Variants in ALG1L2 observed in about 807,000 individuals in gnomAD.
ALG1L2 encodes ALG1 chitobiosyldiphosphodolichol beta-mannosyltransferase like 2.
In ALG1L2, 32 loss-of-function variants were observed where a neutral mutation model predicts 29.0. That is an observed-to-expected ratio of 1.10 (90% CI 0.83 to 1.48). The LOEUF (loss-of-function observed/expected upper bound fraction) is 1.48. ALG1L2 is among the 40% of genes most tolerant of loss of function. ALG1L2 has a pLI of 0.00. For synonymous variants in ALG1L2, 110 were observed against 109.5 expected (o/e 1.00, Z -0.03); for missense variants, 318 against 274.1 (o/e 1.16, Z -1.13).
In ALG1L2 at chr3:130,098,385, A is replaced by T; in HGVS notation, c.*130A>T. ...CATAACTCCTGGGCCAGAGGCTAAAACCCCAGGGCCCCTGCTGTCCTTCCC... is the reference window on the plus strand; with the variant it reads ...CATAACTCCTGGGCCAGAGGCTAAATCCCCAGGGCCCCTGCTGTCCTTCCC... On this transcript the variant is annotated 3_prime_UTR_variant, in exon 8 of 8. Transcript: ENST00000425059. 6.3e-7 allele frequency: 1 copy of T among 1,594,812 alleles called. No individual in the cohort carries two copies. Among genetic ancestry groups the T allele is most frequent in the African/African-American group, 1.3e-5 (1 of 74,696 alleles).
At chr3:130,090,590 T>C (rs902257785) in intron 1 of ALG1L2, 1 of 152,458 alleles carries the variant, frequency 6.6e-6, no homozygotes, top group Non-Finnish European at 1.5e-5. Context: ...TACAACTTAA[T>C]AGTCAACACT....
intron 1 of ALG1L2, among the ~76,000 whole-genome samples, chr3:130,087,734 G>A (rs1472609901): frequency 7.9e-6 from 1 of 126,642 alleles, no homozygotes; most frequent in Non-Finnish European, 1.8e-5. Context: ...TCCATGTCTG[G>A]AAAAATAATA....
At chr3:130,082,785 G>T (rs1359034731) in intron 1 of ALG1L2, among the ~76,000 whole-genome samples, 6 of 147,376 alleles carry the variant, frequency 4.1e-5, no homozygotes, top group African/African-American at 1.5e-4. Context: ...AATCTTGGGG[G>T]GTCCGCAGTG....
At chr3:130,096,647 G>A (rs1288655741) in intron 6 of ALG1L2, among the ~76,000 whole-genome samples, 1 of 152,126 alleles carries the variant, frequency 6.6e-6, no homozygotes, top group Admixed American at 6.5e-5. Context: ...AGCATAGACG[G>A]GTGTTTGGAA....
Position 130,096,179 on chromosome 3 carries a change from G to A in ALG1L2, c.539+16G>A, listed in dbSNP as rs746137092. On this transcript the variant is annotated intron_variant, in intron 6 of 7. Transcript: ENST00000425059. ...ACTTCAAGTGGTAGGAGCAGAACCC[G>A]AATTTTTTCTGGGGATAGCTTCACA... The A allele has an allele frequency of 2.2e-5, 36 of 1,610,798 alleles. No individual in the cohort carries two copies. Among genetic ancestry groups the A allele is most frequent in the South Asian group, 3.3e-5 (3 of 90,800 alleles).
In ALG1L2 at chr3:130,091,280, A is replaced by G; in HGVS notation, c.40A>G (p.Lys14Glu). 1 of 1,599,654 alleles carries G rather than the reference A, an allele frequency of 6.3e-7. No individual in the cohort carries two copies. ...TTGCAGGGCTGTGACCGTCTACGAC[A>G]AGCCGGCATCTTTCTTTAAAGAGGC... ...TAGWAVTVYD[K>E]PASFFKEAPL... is the part of the protein sequence containing the mutation. The change falls in exon 2 of 8, where the codon AAG (lysine) becomes GAG (glutamate). Residue 14 changes from lysine to glutamate, a missense_variant. Coordinates refer to ENST00000425059, the MANE Select transcript of ALG1L2 (RefSeq NM_001136152.1).
intron 2 of ALG1L2, 177 bp from the exon 3 acceptor site, chr3:130,091,924 A>C (rs1935021989): frequency 1.0e-6 from 1 of 1,002,278 alleles, no homozygotes; most frequent in African/African-American, 1.6e-5. Flanking sequence ...AGCACCCAGC[A>C]ACAATATTAG....
intron 5 of ALG1L2, among the ~76,000 whole-genome samples, chr3:130,095,406 TG>T (rs879886453): frequency 0.36 from 48,155 of 132,088 alleles, 8,570 homozygotes; most frequent in Middle Eastern, 0.53. Context: ...GGGTGTGCTG[TG>T]GTTTATTATT....
At chr3:130,096,595 G>C (rs1357962023) in intron 6 of ALG1L2, among the ~76,000 whole-genome samples, 1 of 152,250 alleles carries the variant, frequency 6.6e-6, no homozygotes, top group East Asian at 1.9e-4. Context: ...TGGTGGGTTT[G>C]AATCAGTTAA....
intron 4 of ALG1L2, 36 bp downstream of exon 4, chr3:130,093,196 G>T (rs1417217599): frequency 1.9e-6 from 3 of 1,604,448 alleles, no homozygotes; most frequent in Non-Finnish European, 2.6e-6. Context: ...GTTTGGTTGG[G>T]GGATGGTGGA....
At chr3:130,084,894 CAA>C (rs1934858127) in intron 1 of ALG1L2, among the ~76,000 whole-genome samples, 1 of 129,730 alleles carries the variant, frequency 7.7e-6, no homozygotes, top group African/African-American at 2.6e-5. Flanking sequence ...TATCTACACA[CAA>C]AAATACACAT....
chr3:130,095,184 C>T (rs1289748198), intron 5 of ALG1L2, among the ~76,000 whole-genome samples: 1 of 152,086 alleles, frequency 6.6e-6, no homozygotes, highest in Non-Finnish European at 1.5e-5. Flanking sequence ...GAGCTCTCCA[C>T]AACACCTTGC....
intron 1 of ALG1L2, among the ~76,000 whole-genome samples, chr3:130,088,005 G>A (rs1342862908): frequency 2.6e-5 from 4 of 152,308 alleles, no homozygotes; most frequent in Non-Finnish European, 4.4e-5. Flanking sequence ...GGGTTGACAG[G>A]AAAGTTCTAG....
At chr3:130,087,800 G>A (rs1934924056) in intron 1 of ALG1L2, among the ~76,000 whole-genome samples, 2 of 100,600 alleles carry the variant, frequency 2.0e-5, no homozygotes, top group South Asian at 3.1e-4. Flanking sequence ...GTTTCTGCAG[G>A]TGTCGACCTT....
At chr3:130,098,154 G>C in intron 7 of ALG1L2, 69 bp from the exon 8 acceptor site, 1 of 1,590,136 alleles carries the variant, frequency 6.3e-7, no homozygotes, top group East Asian at 2.2e-5. Context: ...GGGTCGGGGA[G>C]CTGGGGTCAT....
At chr3:130,084,232 A>G (rs1281316905) in intron 1 of ALG1L2, among the ~76,000 whole-genome samples, 12 of 151,156 alleles carry the variant, frequency 7.9e-5, no homozygotes, top group African/African-American at 2.9e-4. Flanking sequence ...CTGAGACAGT[A>G]GGATAGCTCG....
intron 2 of ALG1L2, 145 bp from the exon 3 acceptor site, chr3:130,091,956 A>G (rs13081624): frequency 0.26 from 355,837 of 1,346,058 alleles, 49,811 homozygotes; most frequent in Middle Eastern, 0.3. Flanking sequence ...CCAGGCCTCG[A>G]TTGGCAGGGG....
At chr3:130,084,350 G>A (rs1934847145) in intron 1 of ALG1L2, among the ~76,000 whole-genome samples, 1 of 148,882 alleles carries the variant, frequency 6.7e-6, no homozygotes. Flanking sequence ...GGACAGCAAA[G>A]AAGGCCTCAT....
At chr3:130,093,184 C>T (rs756033692) in intron 4 of ALG1L2, 24 bp downstream of exon 4, 55 of 1,608,246 alleles carry the variant, frequency 3.4e-5, no homozygotes, top group Non-Finnish European at 4.4e-5. Flanking sequence ...CCCTGGGTGT[C>T]TGTTTGGTTG....
Sources: gnomAD v4.1 joint callset for allele counts (sites outside exome capture counted in the v4.1 genomes callset) on GRCh38, gnomAD v4.1.1 for gene constraint, MANE v1.5 for transcripts, NCBI Gene and HGNC (gene_info 2026-07-23, HGNC 2026-07-21) for gene names.